Variants in CRY1 observed in about 807,000 individuals in gnomAD.
CRY1 encodes cryptochrome circadian regulator 1, also known as cryptochrome-1.
A neutral mutation model predicts 76.0 loss-of-function variants in CRY1; 45 were observed. The observed-to-expected ratio is 0.59, with a 90% CI of 0.47 to 0.76. The LOEUF is 0.76. Ranked by LOEUF, CRY1 falls within the 30% of genes least tolerant of loss-of-function variation. CRY1 has a pLI of 0.00. For missense variants in CRY1, 587 were observed against 716.4 expected (o/e 0.82, Z 2.06); for synonymous variants, 248 against 244.0 (o/e 1.02, Z -0.15).
At chr12:107,066,120 C>T (rs7962970) in intron 1 of CRY1, among the ~76,000 whole-genome samples, 5,818 of 152,228 alleles carry the variant, frequency 0.038, 300 homozygotes, top group East Asian at 0.23. Flanking sequence ...CAGTACAACC[C>T]TCCTTTGTGT....
chr12:107,047,392 G>A (rs928672279), intron 1 of CRY1, among the ~76,000 whole-genome samples: 2 of 152,026 alleles, frequency 1.3e-5, no homozygotes, highest in African/African-American at 2.4e-5. Flanking sequence ...ACAGTATTAA[G>A]AAGCTTATAG....
intron 1 of CRY1, among the ~76,000 whole-genome samples, chr12:107,088,562 C>G (rs913903807): frequency 6.6e-6 from 1 of 152,178 alleles, no homozygotes; most frequent in Non-Finnish European, 1.5e-5. Context: ...GAGAAAGCAT[C>G]GTCTATTCAG....
At chr12:107,053,033 C>T (rs921890029) in intron 1 of CRY1, among the ~76,000 whole-genome samples, 6 of 151,958 alleles carry the variant, frequency 3.9e-5, no homozygotes, top group Admixed American at 1.3e-4. Flanking sequence ...TGAGATGGTC[C>T]GAACTTGGAT....
intron 1 of CRY1, chr12:107,042,826 C>T (rs1357385528): frequency 6.6e-6 from 1 of 152,248 alleles, no homozygotes; most frequent in Non-Finnish European, 1.5e-5. Flanking sequence ...ATGGGATCAG[C>T]TGAAAGCCAG....
At chr12:107,038,738 A>G (rs1192036217) in intron 1 of CRY1, among the ~76,000 whole-genome samples, 1 of 152,232 alleles carries the variant, frequency 6.6e-6, no homozygotes, top group African/African-American at 2.4e-5. Flanking sequence ...ACACAGATCA[A>G]TTCCCTTTGT....
intron 3 of CRY1, 47 bp downstream of exon 3, chr12:107,005,059 T>C (rs755683963): frequency 2.6e-6 from 4 of 1,557,854 alleles, no homozygotes; most frequent in Non-Finnish European, 3.5e-6. Flanking sequence ...ATGGTAAATA[T>C]TATGTTATAC....
chr12:107,018,442 C>T (rs1952519802), intron 2 of CRY1, among the ~76,000 whole-genome samples: 1 of 152,066 alleles, frequency 6.6e-6, no homozygotes, highest in South Asian at 2.1e-4. Context: ...CAAAAATTAG[C>T]AAGGTGTGGT....
At chr12:107,084,881 A>G (rs1485671885) in intron 1 of CRY1, among the ~76,000 whole-genome samples, 1 of 152,144 alleles carries the variant, frequency 6.6e-6, no homozygotes, top group Admixed American at 6.5e-5. Flanking sequence ...CAGAGTGAAC[A>G]GACAACCTAT....
In CRY1 at chr12:107,005,172, T is replaced by A; in HGVS notation, c.344A>T (p.Lys115Ile). 6.2e-7 allele frequency: 1 copy of A among 1,613,820 alleles called. No individual in the cohort carries two copies. Among genetic ancestry groups the A allele is most frequent in the Non-Finnish European group, 8.5e-7 (1 of 1,179,884 alleles). The change falls in exon 3 of 13, where the codon AAA (lysine) becomes ATA (isoleucine). Residue 115 changes from lysine (K) to isoleucine (I), a missense_variant. By Grantham distance (102) the Lys-to-Ile change is moderately radical. Transcript: ENST00000008527. The part of the protein sequence containing the change: ...FGKERDAAIK[K>I]LATEAGVEVI... ...TTCTACTCCAGCTTCAGTTGCCAGT[T>A]TCTTAATAGCTGCGTCTCGTTCCTT...
chr12:107,071,392 T>G (rs978032632), intron 1 of CRY1, among the ~76,000 whole-genome samples: 1 of 152,238 alleles, frequency 6.6e-6, no homozygotes, highest in Non-Finnish European at 1.5e-5. Context: ...TATTAATATA[T>G]TTCCAATACT....
chr12:107,069,495 C>T (rs1238171608), intron 1 of CRY1, among the ~76,000 whole-genome samples: 1 of 146,438 alleles, frequency 6.8e-6, no homozygotes, highest in Non-Finnish European at 1.5e-5. Context: ...TGGTGTTGAA[C>T]ATCTTTTCAG....
At chr12:107,033,940 A>T (rs551144738) in intron 1 of CRY1, among the ~76,000 whole-genome samples, 1 of 151,314 alleles carries the variant, frequency 6.6e-6, no homozygotes, top group South Asian at 2.1e-4. Context: ...GAGTGCTGAC[A>T]CTGTCACAGG....
intron 1 of CRY1, among the ~76,000 whole-genome samples, chr12:107,062,025 C>CAAAAAAA (rs35683352): frequency 1.1e-3 from 107 of 93,332 alleles, no homozygotes; most frequent in African/African-American, 3.0e-3. Flanking sequence ...GACCCTGTCT[C>CAAAAAAA]AAAAAAAAAA....
chr12:107,056,316 T>C (rs1356788352), intron 1 of CRY1, among the ~76,000 whole-genome samples: 1 of 152,144 alleles, frequency 6.6e-6, no homozygotes, highest in Non-Finnish European at 1.5e-5. Context: ...AAAATATAAA[T>C]AAAAAGTAAA....
At chr12:106,995,252 G>C (rs550260113) in intron 10 of CRY1, among the ~76,000 whole-genome samples, 159 of 152,168 alleles carry the variant, frequency 1.0e-3, no homozygotes, top group Non-Finnish European at 2.0e-3. Flanking sequence ...CTGGGCAAAG[G>C]TAGGCAGTCA....
intron 1 of CRY1, among the ~76,000 whole-genome samples, chr12:107,063,754 C>T (rs771672035): frequency 1.3e-5 from 2 of 152,222 alleles, no homozygotes; most frequent in Middle Eastern, 3.4e-3. Flanking sequence ...TGCACCACCA[C>T]GCCCAGCTAA....
intron 1 of CRY1, among the ~76,000 whole-genome samples, chr12:107,075,049 C>A (rs993364302): frequency 6.6e-6 from 1 of 151,756 alleles, no homozygotes; most frequent in Admixed American, 6.6e-5. Context: ...AAAACAAAAA[C>A]TACTAGTGAT....
intron 1 of CRY1, among the ~76,000 whole-genome samples, chr12:107,030,433 T>C (rs1461867388): frequency 2.0e-5 from 3 of 152,192 alleles, no homozygotes; most frequent in South Asian, 2.1e-4. Context: ...CTACAGAATA[T>C]GTAATAATCT....
intron 1 of CRY1, among the ~76,000 whole-genome samples, chr12:107,069,613 A>AAAGTATATATATAT (rs1565842756): frequency 1.0e-3 from 79 of 75,306 alleles, no homozygotes; most frequent in African/African-American, 2.6e-3. Flanking sequence ...TATATATATA[A>AAAGTATATATATAT]AAAGTATATA....
Sources: gnomAD v4.1 joint callset for allele counts (sites outside exome capture counted in the v4.1 genomes callset) on GRCh38, gnomAD v4.1.1 for gene constraint, MANE v1.5 for transcripts, NCBI Gene and HGNC (gene_info 2026-07-23, HGNC 2026-07-21) for gene names.